Variants in QTMAN observed in about 807,000 individuals in gnomAD.
QTMAN encodes the protein tRNA-queuosine alpha-mannosyltransferase.
the QTMAN span, among the ~76,000 whole-genome samples, chr2:144,087,997 C>A: frequency 6.6e-6 from 1 of 151,926 alleles, no homozygotes; most frequent in South Asian, 2.1e-4. Context: ...GGCATCCAAA[C>A]CAGAAAGAGG....
At chr2:143,997,545 T>C in the QTMAN span, among the ~76,000 whole-genome samples, 2 of 152,136 alleles carry the variant, frequency 1.3e-5, no homozygotes, top group Non-Finnish European at 2.9e-5. Context: ...TTATTTATTT[T>C]CATTTCCAAG....
chr2:144,301,875 A>G, the QTMAN span, among the ~76,000 whole-genome samples: 1 of 152,208 alleles, frequency 6.6e-6, no homozygotes, highest in South Asian at 2.1e-4. Context: ...ATGGGTCCTC[A>G]AGAAATATTT....
the QTMAN span, among the ~76,000 whole-genome samples, chr2:144,202,634 T>C: frequency 1.3e-5 from 2 of 151,262 alleles, no homozygotes; most frequent in African/African-American, 4.9e-5. Context: ...TTTTCCCCGT[T>C]TATTTTCCAT....
chr2:144,202,074 A>C, the QTMAN span, among the ~76,000 whole-genome samples: 1 of 152,224 alleles, frequency 6.6e-6, no homozygotes, highest in African/African-American at 2.4e-5. Flanking sequence ...TGATGTGAAC[A>C]AACACCAGGG....
At chr2:144,254,321 C>T in the QTMAN span, among the ~76,000 whole-genome samples, 4 of 152,122 alleles carry the variant, frequency 2.6e-5, no homozygotes, top group Non-Finnish European at 5.9e-5. Flanking sequence ...ACTTGGGAGG[C>T]TGAGGCAGGA....
chr2:144,257,053 GAGC>G, the QTMAN span, among the ~76,000 whole-genome samples: 2 of 143,454 alleles, frequency 1.4e-5, no homozygotes, highest in East Asian at 4.1e-4. Context: ...TTTTAAAGAT[GAGC>G]AGAAGACAGT....
chr2:144,047,375 C>T, the QTMAN span, among the ~76,000 whole-genome samples: 1 of 152,130 alleles, frequency 6.6e-6, no homozygotes, highest in Admixed American at 6.5e-5. Context: ...GGCATCTAAT[C>T]CTTTTACTCA....
At chr2:144,175,750 C>T in the QTMAN span, among the ~76,000 whole-genome samples, 1 of 152,100 alleles carries the variant, frequency 6.6e-6, no homozygotes, top group Admixed American at 6.6e-5. Flanking sequence ...CTGCAACCTC[C>T]ACCTCCTGGG....
chr2:144,003,155 A>C, the QTMAN span, among the ~76,000 whole-genome samples: 1 of 151,892 alleles, frequency 6.6e-6, no homozygotes, highest in Non-Finnish European at 1.5e-5. Context: ...AATACAGTAA[A>C]CATTGATAGG....
the QTMAN span, among the ~76,000 whole-genome samples, chr2:144,134,596 C>T: frequency 5.2e-4 from 79 of 152,094 alleles, no homozygotes; most frequent in South Asian, 0.012. Context: ...TCTGACAATC[C>T]AATGTGGTGG....
the QTMAN span, among the ~76,000 whole-genome samples, chr2:144,205,774 T>C: frequency 7.3e-4 from 111 of 152,280 alleles, 1 homozygote; most frequent in African/African-American, 2.7e-3. Context: ...TAGGGTGCAG[T>C]CTAAGAAAGT....
chr2:144,133,151 A>ATATATAATATATATAT, the QTMAN span, among the ~76,000 whole-genome samples: 8 of 51,382 alleles, frequency 1.6e-4, no homozygotes, highest in African/African-American at 7.2e-4. Flanking sequence ...ATATATATAT[A>ATATATAATATATATAT]ATATAATATA....
At chr2:143,965,457 C>A in the QTMAN span, among the ~76,000 whole-genome samples, 8 of 152,140 alleles carry the variant, frequency 5.3e-5, no homozygotes, top group African/African-American at 1.9e-4. Flanking sequence ...TATTATTTCC[C>A]TTTCCCATCT....
chr2:144,326,171 A>G, the QTMAN span, among the ~76,000 whole-genome samples: 1 of 152,248 alleles, frequency 6.6e-6, no homozygotes, highest in Non-Finnish European at 1.5e-5. Context: ...AAATTCATGA[A>G]AAACTGAAAT....
chr2:144,268,248 A>G, the QTMAN span, among the ~76,000 whole-genome samples: 3 of 152,100 alleles, frequency 2.0e-5, no homozygotes, highest in South Asian at 6.2e-4. Flanking sequence ...TCTGCCATGA[A>G]TGGTAGTTCC....
At chr2:144,067,862 C>T in the QTMAN span, among the ~76,000 whole-genome samples, 2 of 152,100 alleles carry the variant, frequency 1.3e-5, no homozygotes, top group Non-Finnish European at 1.5e-5. Context: ...GTGCTTTTTC[C>T]CCAACAATTA....
chr2:143,980,703 ATT>A, the QTMAN span, among the ~76,000 whole-genome samples: 10 of 152,344 alleles, frequency 6.6e-5, no homozygotes, highest in Middle Eastern at 3.4e-3. Flanking sequence ...ATAAATAAAG[ATT>A]TGTTTGCTCA....
At chr2:144,322,283 G>A in the QTMAN span, among the ~76,000 whole-genome samples, 1 of 152,052 alleles carries the variant, frequency 6.6e-6, no homozygotes, top group Non-Finnish European at 1.5e-5. Context: ...ACTCCCAAGA[G>A]CTTTTGTTTA....
chr2:144,145,702 G>GT, the QTMAN span: 4 of 1,611,330 alleles, frequency 2.5e-6, no homozygotes, highest in Non-Finnish European at 3.4e-6. Context: ...AGGGCAGCCA[G>GT]TTCGGTCAGG....
Sources: allele counts gnomAD v4.1 joint callset (sites outside exome capture counted in the v4.1 genomes callset), GRCh38; gene constraint gnomAD v4.1.1; transcripts MANE v1.5; gene names NCBI Gene and HGNC (gene_info 2026-07-23, HGNC 2026-07-21).